The following SPOCK3 variants were observed in gnomAD, a reference collection of about 807,000 sequenced individuals.
SPOCK3 encodes SPARC (osteonectin), cwcv and kazal like domains proteoglycan 3.
In SPOCK3, 30 loss-of-function variants were observed where a neutral mutation model predicts 56.6. The ratio of observed to expected loss-of-function variants is 0.53; its 90% CI spans 0.40 to 0.72. The LOEUF is 0.72. Ranked by LOEUF, SPOCK3 falls within the 30% of genes least tolerant of loss-of-function variation. The pLI is 0.00. For synonymous variants in SPOCK3, 196 were observed against 183.3 expected, an observed-to-expected ratio of 1.07 and a Z score of -0.56; for missense variants, 527 against 530.0, an observed-to-expected ratio of 0.99 and a Z score of 0.06.
At chr4:166,905,067 T>G (rs1041658094) in intron 5 of SPOCK3, among the ~76,000 whole-genome samples, 10 of 152,030 alleles carry the variant, frequency 6.6e-5, no homozygotes, top group African/African-American at 9.7e-5. Context: ...CCCTAGTTTG[T>G]AGACATTATA....
intron 6 of SPOCK3, among the ~76,000 whole-genome samples, chr4:166,828,301 C>T (rs1053146990): frequency 2.0e-5 from 3 of 151,916 alleles, no homozygotes; most frequent in African/African-American, 7.2e-5. Context: ...CAATTTCATA[C>T]TTAAATAATA....
intron 2 of SPOCK3, among the ~76,000 whole-genome samples, chr4:167,071,976 T>C (rs1756730809): frequency 6.6e-6 from 1 of 152,036 alleles, no homozygotes; most frequent in Admixed American, 6.6e-5. Context: ...GAATTTTCAT[T>C]GTAACTATAA....
chr4:166,783,486 T>A (rs762448010), intron 7 of SPOCK3, among the ~76,000 whole-genome samples: 5 of 152,158 alleles, frequency 3.3e-5, no homozygotes, highest in Admixed American at 6.6e-5. Context: ...GTGTTATTTT[T>A]AAAAAATAAG....
intron 6 of SPOCK3, among the ~76,000 whole-genome samples, chr4:166,874,326 C>T (rs1455610875): frequency 6.6e-6 from 1 of 152,116 alleles, no homozygotes. Flanking sequence ...TCCTATATCT[C>T]TGATTTCAAA....
intron 5 of SPOCK3, among the ~76,000 whole-genome samples, chr4:166,891,637 T>C (rs1057105038): frequency 6.6e-6 from 1 of 152,008 alleles, no homozygotes; most frequent in Admixed American, 6.6e-5. Flanking sequence ...AATTTAAAAG[T>C]CCAAAATCTA....
intron 3 of SPOCK3, among the ~76,000 whole-genome samples, chr4:167,030,022 T>G (rs2150178906): frequency 6.6e-6 from 1 of 152,094 alleles, no homozygotes. Flanking sequence ...CTCGCTCTTC[T>G]ATTGTTTCAC....
chr4:166,954,022 C>T (rs908301445), intron 4 of SPOCK3, among the ~76,000 whole-genome samples: 6 of 152,000 alleles, frequency 3.9e-5, no homozygotes, highest in Non-Finnish European at 2.9e-5. Context: ...TAGCATGGCA[C>T]ATGTATACAT....
intron 2 of SPOCK3, among the ~76,000 whole-genome samples, chr4:167,154,038 C>A (rs929213593): frequency 6.6e-6 from 1 of 152,030 alleles, no homozygotes; most frequent in Non-Finnish European, 1.5e-5. Context: ...TTAAGGATCA[C>A]GTACAATATT....
chr4:167,176,077 C>G (rs1445128350), intron 2 of SPOCK3, among the ~76,000 whole-genome samples: 2 of 152,002 alleles, frequency 1.3e-5, no homozygotes, highest in East Asian at 3.9e-4. Context: ...TAGAGGTTGT[C>G]TGCATTCCTT....
At chr4:166,803,623 C>A (rs555890894) in intron 6 of SPOCK3, among the ~76,000 whole-genome samples, 1 of 152,076 alleles carries the variant, frequency 6.6e-6, no homozygotes, top group African/African-American at 2.4e-5. Flanking sequence ...AGTGAGAGAA[C>A]GAATATTAGC....
intron 7 of SPOCK3, among the ~76,000 whole-genome samples, chr4:166,786,939 G>A (rs1740793319): frequency 6.6e-6 from 1 of 152,122 alleles, no homozygotes; most frequent in Non-Finnish European, 1.5e-5. Context: ...TATTGACAAA[G>A]AAGACACATG....
intron 4 of SPOCK3, among the ~76,000 whole-genome samples, chr4:166,972,897 A>G (rs547937024): frequency 6.6e-5 from 10 of 152,328 alleles, no homozygotes; most frequent in Middle Eastern, 3.4e-3. Context: ...AAAGTAATTC[A>G]GTAGTTTGGA....
chr4:166,858,782 G>A (rs1039722249), intron 6 of SPOCK3, among the ~76,000 whole-genome samples: 2 of 152,130 alleles, frequency 1.3e-5, no homozygotes, highest in African/African-American at 4.8e-5. Flanking sequence ...TTTTTAAAAT[G>A]AAACAAATAC....
At chr4:166,823,978 TGCAGTATTAAGTCCCTAA>T (rs2126770196) in intron 6 of SPOCK3, among the ~76,000 whole-genome samples, 1 of 152,196 alleles carries the variant, frequency 6.6e-6, no homozygotes, top group South Asian at 2.1e-4. Context: ...GACAGGGCTT[TGCAGTATTAAGTCCCTAA>T]GCTGCTGCTT....
At chr4:167,158,789 C>A (rs1296405735) in intron 2 of SPOCK3, among the ~76,000 whole-genome samples, 2 of 151,866 alleles carry the variant, frequency 1.3e-5, no homozygotes, top group African/African-American at 4.8e-5. Context: ...TAATTGAAAT[C>A]TTTATAATAG....
At chr4:166,737,402 A>C in intron 10 of SPOCK3, 65 bp downstream of exon 10, 2 of 1,505,792 alleles carry the variant, frequency 1.3e-6, no homozygotes. Context: ...GAACAAATGA[A>C]TGAGGCTCTA....
At chr4:167,198,051 C>G (rs1037759917) in intron 2 of SPOCK3, among the ~76,000 whole-genome samples, 1 of 152,100 alleles carries the variant, frequency 6.6e-6, no homozygotes. Flanking sequence ...TATAAAAAAT[C>G]TATGTCCATG....
intron 4 of SPOCK3, among the ~76,000 whole-genome samples, chr4:166,943,426 T>C (rs1741346972): frequency 6.6e-6 from 1 of 152,126 alleles, no homozygotes; most frequent in Admixed American, 6.5e-5. Context: ...AAAAGAGACA[T>C]AATAGTAAAA....
chr4:167,090,464 G>A (rs1317624205), intron 2 of SPOCK3, among the ~76,000 whole-genome samples: 1 of 151,604 alleles, frequency 6.6e-6, no homozygotes, highest in Admixed American at 6.6e-5. Context: ...TTTTTAGCAT[G>A]TAATATTTTT....
Sources: gnomAD v4.1 joint callset for allele counts (sites outside exome capture counted in the v4.1 genomes callset) on GRCh38, gnomAD v4.1.1 for gene constraint, MANE v1.5 for transcripts, NCBI Gene and HGNC (gene_info 2026-07-23, HGNC 2026-07-21) for gene names.